Variants in COL3A1 observed in about 807,000 individuals in gnomAD.
The protein encoded by COL3A1 is collagen type III alpha 1 chain.
COL3A1 carries 46 observed loss-of-function variants against 200.9 expected under a neutral mutation model. The ratio of observed to expected loss-of-function variants is 0.23; its 90% CI spans 0.18 to 0.29. The LOEUF is 0.29. COL3A1 is among the 10% of genes least tolerant of loss of function. The pLI is 1.00. For missense variants in COL3A1, 1,367 were observed against 1,917.6 expected (o/e 0.71, Z 5.36); for synonymous variants, 650 against 628.0 (o/e 1.03, Z -0.52).
chr2:189,010,618 T>G, intron 49 of COL3A1, 30 bp from the exon 50 acceptor site: 1 of 1,614,014 alleles, frequency 6.2e-7, no homozygotes, highest in Non-Finnish European at 8.5e-7. Flanking sequence ...ACTGAAATGT[T>G]TGATCTGTTT....
chr2:188,987,385 A>G (rs563391782), intron 5 of COL3A1, among the ~76,000 whole-genome samples: 204 of 151,958 alleles, frequency 1.3e-3, no homozygotes, highest in Non-Finnish European at 2.3e-3. Flanking sequence ...AACACTTATT[A>G]ACATCTCAGA....
chr2:189,007,965 G>A (rs760056762), intron 46 of COL3A1, 27 bp downstream of exon 46: 1 of 1,614,064 alleles, frequency 6.2e-7, no homozygotes, highest in South Asian at 1.1e-5. Flanking sequence ...GATATTACAG[G>A]TCCACATGTT....
chr2:189,001,705 T>A, intron 34 of COL3A1, 116 bp downstream of exon 34: 1 of 1,046,938 alleles, frequency 9.6e-7, no homozygotes, highest in Non-Finnish European at 1.5e-6. Flanking sequence ...TTGGAGATAT[T>A]ATCTTCAAAA....
rs571461900 is a variant in COL3A1, at chr2:188,987,959, T to C, written c.529-122T>C. The C allele has an allele frequency of 3.3e-4, 253 of 766,682 alleles. 3 individuals are homozygous for C. The South Asian group carries it at 3.6e-3, about 11-fold the overall frequency. 47.5% of individuals were successfully genotyped at this position (766,682 alleles called of 1,614,324 possible). A position where few individuals can be genotyped will look rare whatever the true frequency, so the allele number is the denominator to read the frequency against. On this transcript the variant is annotated intron_variant, in intron 5 of 50. Coordinates refer to ENST00000304636, the MANE Select transcript of COL3A1 (RefSeq NM_000090.4). ...GATCTCATGAATAGTTATCAAAAAG[T>C]TATCAAAAGATGAGATATAGTTGTT... is the stretch of plus-strand genomic sequence containing the variant.
intron 29 of COL3A1, 28 bp from the exon 30 acceptor site, chr2:188,999,257 T>A: frequency 1.7e-5 from 27 of 1,548,490 alleles, no homozygotes; most frequent in Non-Finnish European, 2.4e-5. Flanking sequence ...GGTTGTCTAA[T>A]ATGGTTATTT....
intron 47 of COL3A1, 165 bp downstream of exon 47, chr2:189,008,307 T>A: frequency 1.4e-6 from 1 of 698,066 alleles, no homozygotes; most frequent in Non-Finnish European, 2.5e-6. Context: ...TAAAAATGTT[T>A]CTACCACACT....
chr2:189,007,785 T>C, intron 45 of COL3A1, 100 bp from the exon 46 acceptor site: 1 of 1,472,274 alleles, frequency 6.8e-7, no homozygotes, highest in East Asian at 2.3e-5. Flanking sequence ...AGAAAAAAAA[T>C]TTCATCATGA....
chr2:188,999,392 A>G lies in COL3A1; in HGVS notation c.2121+9A>G. 6.2e-7 allele frequency: 1 copy of G among 1,613,384 alleles called. No homozygotes were observed. Among genetic ancestry groups the G allele is most frequent in the Non-Finnish European group, 8.5e-7 (1 of 1,179,566 alleles). ...GTCCCGAAGGAGGAAAGGTAACTCC[A>G]CAGCATTCCATTCACCTAGGTTTAA... On this transcript the variant is annotated intron_variant, in intron 30 of 50. Coordinates refer to ENST00000304636, the MANE Select transcript of COL3A1 (RefSeq NM_000090.4).
rs775742723 is a variant in COL3A1 at position 188,974,457 on chromosome 2, T to A, written c.-33T>A. ...TTGAACTGCTTTTCTTTTCTCCTTTTTGCACAAAGAGTCTCATGTCTGATA... is the reference window on the plus strand; with the variant it reads ...TTGAACTGCTTTTCTTTTCTCCTTTATGCACAAAGAGTCTCATGTCTGATA... On this transcript the variant is annotated 5_prime_UTR_variant, in exon 1 of 51. In the 5' UTR this introduces an upstream ATG that the reference lacks. Transcript: ENST00000304636. 6.4e-7 allele frequency: 1 copy of A among 1,570,364 alleles called. No homozygotes were observed. The highest frequency in any genetic ancestry group is 1.4e-5 in the African/African-American group (1 of 74,046).
intron 16 of COL3A1, 72 bp downstream of exon 16, chr2:188,993,531 C>G: frequency 7.8e-7 from 1 of 1,276,002 alleles, no homozygotes; most frequent in Non-Finnish European, 1.1e-6. Context: ...TTCATGCTTA[C>G]TCCATGAAAG....
intron 14 of COL3A1, 109 bp downstream of exon 14, chr2:188,992,337 A>G: frequency 2.1e-6 from 2 of 947,058 alleles, no homozygotes. Context: ...ATATATGCAT[A>G]TGTATATCTC....
intron 8 of COL3A1, 24 bp from the exon 9 acceptor site, chr2:188,990,072 C>A (rs199531857): frequency 6.2e-7 from 1 of 1,608,726 alleles, no homozygotes; most frequent in Non-Finnish European, 8.5e-7. Flanking sequence ...TGAGCACCTA[C>A]GTATTCTTTA....
chr2:189,005,690 T>C (rs1441748456), intron 41 of COL3A1: 1 of 544,094 alleles, frequency 1.8e-6, no homozygotes, highest in African/African-American at 1.9e-5. Context: ...TCTAACTAAA[T>C]TAGGAAAAAA....
chr2:188,995,998 G>T, intron 22 of COL3A1, 127 bp from the exon 23 acceptor site: 5 of 1,013,828 alleles, frequency 4.9e-6, no homozygotes, highest in East Asian at 2.5e-5. Context: ...TTTATAGACA[G>T]GAAAAAAGAT....
At position 188,993,342 on chromosome 2, in the gene COL3A1, C is replaced by G; in HGVS notation, c.1051-19C>G. 1.9e-6 allele frequency: 3 copies of G among 1,553,128 alleles called. No homozygotes were observed. The highest frequency in any genetic ancestry group is 2.6e-6 in the Non-Finnish European group (3 of 1,145,398). Reference sequence around the variant, plus strand: ...TAGAAGTGGTAAGAGAAACTGACTACACAAGGTTTTACCATTAGGGTGAAG... The same window carrying G: ...TAGAAGTGGTAAGAGAAACTGACTAGACAAGGTTTTACCATTAGGGTGAAG... On this transcript the variant is annotated intron_variant, in intron 15 of 50. Transcript: ENST00000304636.
intron 32 of COL3A1, among the ~76,000 whole-genome samples, chr2:189,000,577 T>C (rs1453715138): frequency 6.6e-6 from 1 of 152,152 alleles, no homozygotes; most frequent in Admixed American, 6.6e-5. Flanking sequence ...CATCTACACA[T>C]GGGATAAAAT....
At chr2:189,000,422 C>T (rs1031362203) in intron 32 of COL3A1, among the ~76,000 whole-genome samples, 1 of 152,080 alleles carries the variant, frequency 6.6e-6, no homozygotes, top group Non-Finnish European at 1.5e-5. Context: ...AAAATAACTT[C>T]CTTGTAGAGA....
chr2:188,981,750 G>A (rs757976463), intron 1 of COL3A1, among the ~76,000 whole-genome samples: 5 of 151,164 alleles, frequency 3.3e-5, no homozygotes, highest in Admixed American at 6.6e-5. Flanking sequence ...CATGATTTTC[G>A]CACATATTAC....
At chr2:188,988,784 T>C (rs1231181160) in intron 7 of COL3A1, 141 bp downstream of exon 7, 3 of 641,176 alleles carry the variant, frequency 4.7e-6, no homozygotes, top group Non-Finnish European at 8.3e-6. Context: ...AGCATTTTAT[T>C]GAGTCTTTTG....
Sources: allele counts gnomAD v4.1 joint callset (sites outside exome capture counted in the v4.1 genomes callset), GRCh38; gene constraint gnomAD v4.1.1; transcripts MANE v1.5; gene names NCBI Gene and HGNC (gene_info 2026-07-23, HGNC 2026-07-21).